The following AKAP8L variants were observed in gnomAD, a reference collection of about 807,000 sequenced individuals.
AKAP8L encodes A-kinase anchoring protein 8 like.
In AKAP8L, 34 loss-of-function variants were observed where a neutral mutation model predicts 77.5. The observed-to-expected ratio is 0.44, with a 90% confidence interval of 0.33 to 0.58. The LOEUF is 0.58. Ranked by LOEUF, AKAP8L falls within the 20% of genes least tolerant of loss-of-function variation. The pLI is 0.02. For synonymous variants in AKAP8L, 342 were observed against 340.7 expected, an observed-to-expected ratio of 1.00 and a Z score of -0.04; for missense variants, 806 against 887.6, an observed-to-expected ratio of 0.91 and a Z score of 1.17.
chr19:15,396,899 C>A (rs1967787432), intron 12 of AKAP8L, among the ~76,000 whole-genome samples: 1 of 152,208 alleles, frequency 6.6e-6, no homozygotes, highest in South Asian at 2.1e-4. Flanking sequence ...CCTAATCTGG[C>A]GCTGGCCCCT....
In AKAP8L at chr19:15,400,821, G is replaced by C. The variant is rs188997016; in HGVS notation, c.957C>G (p.Thr319=). 1 of 1,613,944 alleles carries C rather than the reference G, an allele frequency of 6.2e-7. No homozygotes were observed. The highest frequency in any genetic ancestry group is 1.3e-5 in the African/African-American group (1 of 75,026). Reference sequence around the variant, plus strand: ...CTCTGGAGCCCTTCTCCACAGCCTCGGTGCCTTCAAGGCCCTCTGTGGCTT... The same window carrying C: ...CTCTGGAGCCCTTCTCCACAGCCTCCGTGCCTTCAAGGCCCTCTGTGGCTT... ...EGEATEGLEG[T]EAVEKGSRVD... The change falls in exon 7 of 14, where the codon ACC becomes ACG. Residue 319 remains threonine (T), a synonymous_variant. Transcript: ENST00000397410.
At position 15,397,611 on chromosome 19, in the gene AKAP8L, G is replaced by C. The variant is rs374419052; in HGVS notation, c.1314C>G (p.Asn438Lys). 1.7e-5 allele frequency: 28 copies of C among 1,613,920 alleles called. No homozygotes were observed. The highest frequency in any genetic ancestry group is 2.2e-5 in the Non-Finnish European group (26 of 1,179,874). ...GGAGCTCCTCTGTCTTCTTGGTCTT[G>C]TTAGTGACGTACTCCTGCAAGGAAT... ...TADFLQEYVTNKTKKTEELRK... is the reference protein window; with the variant it reads ...TADFLQEYVTKKTKKTEELRK... The change falls in exon 11 of 14, where the codon AAC becomes AAG. Residue 438 changes from asparagine to lysine, a missense_variant. Physicochemically the swap from Asn to Lys is moderately conservative, Grantham distance 94. Transcript: ENST00000397410. The surrounding 1 kb of genome is among the most constrained non-coding windows in gnomAD (Gnocchi z 4.7).
chr19:15,414,547 G>A (rs1213737341), intron 1 of AKAP8L, among the ~76,000 whole-genome samples: 1 of 151,718 alleles, frequency 6.6e-6, no homozygotes, highest in East Asian at 1.9e-4. Flanking sequence ...GGAGTGCAGT[G>A]GCACGATCTT....
chr19:15,408,638 C>T (rs1476044581), intron 2 of AKAP8L, among the ~76,000 whole-genome samples: 3 of 150,374 alleles, frequency 2.0e-5, no homozygotes, highest in Non-Finnish European at 4.4e-5. Flanking sequence ...AATCCCAACA[C>T]TTTGGGAGGC....
chr19:15,400,223 C>T (rs1429590625), intron 8 of AKAP8L, 72 bp downstream of exon 8: 1 of 1,527,182 alleles, frequency 6.5e-7, no homozygotes, highest in African/African-American at 1.4e-5. Flanking sequence ...CAACCCTGCC[C>T]TCAGCTGGGT....
chr19:15,400,745 C>A (rs77704996), intron 7 of AKAP8L, 49 bp downstream of exon 7: 24,275 of 1,605,914 alleles, frequency 0.015, 238 homozygotes, highest in Non-Finnish European at 0.018. Context: ...ACTCTTTAGG[C>A]CAGCTCGCCC....
At chr19:15,395,060 C>T (rs1448168570) in intron 12 of AKAP8L, among the ~76,000 whole-genome samples, 1 of 150,808 alleles carries the variant, frequency 6.6e-6, no homozygotes, top group Non-Finnish European at 1.5e-5. Context: ...GACAGAGTCT[C>T]GCTCTGTCGC....
intron 12 of AKAP8L, among the ~76,000 whole-genome samples, chr19:15,386,487 T>C (rs1967540901): frequency 6.6e-6 from 1 of 152,136 alleles, no homozygotes; most frequent in Non-Finnish European, 1.5e-5. Flanking sequence ...AAAACTCAGT[T>C]CCATGAAGAG....
chr19:15,380,190 G>A lies in AKAP8L; in HGVS notation c.1873C>T (p.Arg625Cys). 6.6e-7 allele frequency: 1 copy of A among 1,506,546 alleles called. No homozygotes were observed. The highest frequency in any genetic ancestry group is 8.8e-7 in the Non-Finnish European group (1 of 1,136,160). 93.3% of individuals were successfully genotyped at this position (1,506,546 alleles called of 1,614,324 possible). The change falls in exon 14 of 14, where the codon CGC becomes TGC. Residue 625 changes from arginine to cysteine, a missense_variant. Transcript: ENST00000397410. Reference protein sequence around the residue: ...AVPLLGGALQRQIRGIPGLDV... With the variant: ...AVPLLGGALQCQIRGIPGLDV... Reference sequence around the variant, plus strand: ...AGGCCCGGGATGCCGCGGATCTGGCGTTGCAGCGCCCCTCCCAGCAAGGGC... The same window carrying A: ...AGGCCCGGGATGCCGCGGATCTGGCATTGCAGCGCCCCTCCCAGCAAGGGC...
In AKAP8L at chr19:15,397,599, C is replaced by A. The variant is rs770545443; in HGVS notation, c.1326G>T (p.Lys442Asn). 1 of 1,613,924 alleles carries A rather than the reference C, an allele frequency of 6.2e-7. No individual in the cohort carries two copies. The highest frequency in any genetic ancestry group is 8.5e-7 in the Non-Finnish European group (1 of 1,179,892). Residue 442 changes from lysine to asparagine, a missense_variant, in exon 11 of 14, where the codon AAG becomes AAT. Coordinates refer to ENST00000397410, the MANE Select transcript of AKAP8L (RefSeq NM_014371.4). This position sits in a 1 kb window ranked among gnomAD's most constrained non-coding sequence, Gnocchi z 4.7. ...LQEYVTNKTK[K>N]TEELRKTVED... is the part of the protein sequence containing the mutation. ...CCACGGTTTTTCGGAGCTCCTCTGTCTTCTTGGTCTTGTTAGTGACGTACT... is the reference window on the plus strand; with the variant it reads ...CCACGGTTTTTCGGAGCTCCTCTGTATTCTTGGTCTTGTTAGTGACGTACT...
Position 15,403,746 on chromosome 19 carries a change from G to C in AKAP8L, c.122-31C>G. 1 of 1,514,830 alleles carries C rather than the reference G, an allele frequency of 6.6e-7. No individual in the cohort carries two copies. Among genetic ancestry groups the C allele is most frequent in the South Asian group, 1.2e-5 (1 of 84,244 alleles). The allele number at this position is 1,514,830 out of a possible 1,614,324, so 93.8% of individuals were successfully genotyped here. A position where few individuals can be genotyped will look rare whatever the true frequency, so the allele number is the denominator to read the frequency against. ...GTGAGGGAGACAGAGACAGACAGAT[G>C]GTGGGGGCAGGCAGAGGGGAGGCAG... On this transcript the variant is annotated intron_variant, in intron 3 of 13. Coordinates refer to ENST00000397410, the MANE Select transcript of AKAP8L (RefSeq NM_014371.4). This position sits in a 1 kb window ranked among gnomAD's most constrained non-coding sequence, Gnocchi z 4.3.
intron 12 of AKAP8L, among the ~76,000 whole-genome samples, chr19:15,389,483 G>A (rs1967614383): frequency 6.6e-6 from 1 of 151,808 alleles, no homozygotes; most frequent in African/African-American, 2.4e-5. Context: ...ATACATCAAA[G>A]CAGCTCAGGC....
Position 15,398,177 on chromosome 19 carries a change from TG to T in AKAP8L, c.1158-323del. 2.6e-6 allele frequency: 1 copy of T among 382,452 alleles called. No individual in the cohort carries two copies. The highest frequency in any genetic ancestry group is 2.7e-5 in the South Asian group (1 of 37,686). 23.7% of individuals were successfully genotyped at this position (382,452 alleles called of 1,614,324 possible). ...TGCTGGAGGGCCTCGCTACCAAGGC[TG>T]GGCAGGAGCGTGTGCACTTGGCCCA... On this transcript the variant is annotated intron_variant, in intron 9 of 13. Coordinates refer to ENST00000397410, the MANE Select transcript of AKAP8L (RefSeq NM_014371.4). The surrounding 1 kb of genome is among the most constrained non-coding windows in gnomAD (Gnocchi z 9.2).
chr19:15,397,932 C>A lies in AKAP8L; in HGVS notation c.1158-77G>T. The stretch of plus-strand genomic sequence containing the variant: ...GTGCTGCCGCCTCACCCAACCCAGA[C>A]ACAAGCCCTGAAACAGGCCTTGCTC... On this transcript the variant is annotated intron_variant, in intron 9 of 13. Coordinates refer to ENST00000397410, the MANE Select transcript of AKAP8L (RefSeq NM_014371.4). This position sits in a 1 kb window ranked among gnomAD's most constrained non-coding sequence, Gnocchi z 4.7. The A allele has an allele frequency of 6.5e-7, 1 of 1,547,558 alleles. No individual in the cohort carries two copies. Among genetic ancestry groups the A allele is most frequent in the Non-Finnish European group, 8.7e-7 (1 of 1,143,536 alleles).
Position 15,397,565 on chromosome 19 carries a change from C to G in AKAP8L, c.1360G>C (p.Asp454His). The G allele has an allele frequency of 1.2e-6, 2 of 1,613,892 alleles. No homozygotes were observed. Among genetic ancestry groups the G allele is most frequent in the Non-Finnish European group, 1.7e-6 (2 of 1,179,890 alleles). The change falls in exon 11 of 14, where the codon GAT (aspartate) becomes CAT (histidine). Residue 454 changes from aspartate to histidine, a missense_variant. Around this residue, in one of 2 missense-constraint regions of AKAP8L, gnomAD observed 580 missense variants for 694.1 expected, o/e 0.84. Transcript: ENST00000397410. The surrounding 1 kb of genome is among the most constrained non-coding windows in gnomAD (Gnocchi z 4.7). Reference protein sequence around the residue: ...EELRKTVEDLDGLIQQIYRDQ... With the variant: ...EELRKTVEDLHGLIQQIYRDQ... ...CTGTAGATTTGCTGGATGAGGCCAT[C>G]AAGGTCCTCCACGGTTTTTCGGAGC...
Position 15,380,165 on chromosome 19 carries a change from A to G in AKAP8L, c.1898T>C (p.Leu633Pro). 1 of 1,504,570 alleles carries G rather than the reference A, an allele frequency of 6.6e-7. No homozygotes were observed. The highest frequency in any genetic ancestry group is 1.2e-5 in the South Asian group (1 of 81,196). The allele number at this position is 1,504,570 out of a possible 1,614,324, so 93.2% of individuals were successfully genotyped here. Residue 633 changes from leucine (L) to proline (P), a missense_variant, in exon 14 of 14, where the codon CTC (leucine) becomes CCC (proline). By Grantham distance (98) the Leu-to-Pro change is moderately conservative (BLOSUM62 -3). Coordinates refer to ENST00000397410, the MANE Select transcript of AKAP8L (RefSeq NM_014371.4). ...GCCCTCCTCGTCGTCCTCCACGTCG[A>G]GGCCCGGGATGCCGCGGATCTGGCG... is the stretch of plus-strand genomic sequence containing the variant. ...LQRQIRGIPGLDVEDDEEGGG... is the reference protein window; with the variant it reads ...LQRQIRGIPGPDVEDDEEGGG...
chr19:15,410,460 TAAG>T, intron 2 of AKAP8L, 57 bp downstream of exon 2: 1 of 1,446,920 alleles, frequency 6.9e-7, no homozygotes, highest in South Asian at 1.2e-5. Context: ...CAAAGGCAAC[TAAG>T]AAGACAAGGA....
At chr19:15,418,216 T>G (rs934029604) in intron 1 of AKAP8L, among the ~76,000 whole-genome samples, 4 of 152,224 alleles carry the variant, frequency 2.6e-5, no homozygotes, top group African/African-American at 9.6e-5. Flanking sequence ...CCTATTAAGA[T>G]CCTCGCCTCT....
chr19:15,386,656 T>C (rs1436094888), intron 12 of AKAP8L, among the ~76,000 whole-genome samples: 2 of 152,122 alleles, frequency 1.3e-5, no homozygotes, highest in Admixed American at 6.5e-5. Flanking sequence ...AGGAACAGAA[T>C]GTCAGCATCT....
Sources: gnomAD v4.1 joint callset for allele counts (sites outside exome capture counted in the v4.1 genomes callset) on GRCh38, gnomAD v4.1.1 for gene constraint, gnomAD v4.1.1 regional missense constraint, Gnocchi (gnomAD v3.1) non-coding constraint, MANE v1.5 for transcripts, NCBI Gene and HGNC (gene_info 2026-07-23, HGNC 2026-07-21) for gene names.